The following ADAM32 variants were observed in gnomAD, a reference collection of about 807,000 sequenced individuals.
ADAM32 encodes the protein disintegrin and metalloproteinase domain-containing protein 32.
Under a neutral mutation model 114.9 loss-of-function variants are expected in ADAM32, and 89 were observed. The ratio of observed to expected loss-of-function variants is 0.77; its 90% CI spans 0.65 to 0.92. The LOEUF (loss-of-function observed/expected upper bound fraction) is 0.92. Among genes scored for constraint, ADAM32 ranks in the 40% least tolerant of loss-of-function variants. The probability of loss-of-function intolerance (pLI) is 0.00; values close to 1 mark genes in which losing one functional copy is unlikely to be tolerated. For synonymous variants in ADAM32, 285 were observed against 307.5 expected (o/e 0.93, Z 0.77); for missense variants, 870 against 932.8 (o/e 0.93, Z 0.88).
At chr8:39,172,640 T>C (rs1341770392) in intron 10 of ADAM32, among the ~76,000 whole-genome samples, 1 of 152,218 alleles carries the variant, frequency 6.6e-6, no homozygotes, top group Non-Finnish European at 1.5e-5. Context: ...TCCATCCTTG[T>C]CCCTGCAAAG....
chr8:39,221,129 G>A (rs1262765523), intron 12 of ADAM32: 1 of 152,336 alleles, frequency 6.6e-6, no homozygotes, highest in East Asian at 1.9e-4. Context: ...ATATTCTCTT[G>A]CTAAATGGAC....
intron 17 of ADAM32, among the ~76,000 whole-genome samples, chr8:39,248,296 C>T (rs1296957091): frequency 6.6e-6 from 1 of 152,148 alleles, no homozygotes; most frequent in African/African-American, 2.4e-5. Flanking sequence ...GATATCTTGA[C>T]GATATTGAGT....
At chr8:39,222,062 A>C (rs1160977615) in intron 13 of ADAM32, among the ~76,000 whole-genome samples, 1 of 152,036 alleles carries the variant, frequency 6.6e-6, no homozygotes, top group Non-Finnish European at 1.5e-5. Context: ...TTTATGTGTA[A>C]TTGAAAGATA....
intron 3 of ADAM32, among the ~76,000 whole-genome samples, chr8:39,146,144 T>C (rs1280323944): frequency 1.3e-5 from 2 of 152,160 alleles, no homozygotes; most frequent in South Asian, 2.1e-4. Context: ...CAGAAGCTAG[T>C]GTGAGTGGCC....
intron 11 of ADAM32, among the ~76,000 whole-genome samples, chr8:39,207,507 G>GGTA (rs1422430192): frequency 8.5e-5 from 13 of 152,126 alleles, no homozygotes; most frequent in African/African-American, 2.9e-4. Flanking sequence ...GATGAAATTA[G>GGTA]GGTAATTCCC....
intron 14 of ADAM32, 146 bp from the exon 15 acceptor site, chr8:39,231,881 C>CT: frequency 1.5e-6 from 1 of 666,878 alleles, no homozygotes; most frequent in South Asian, 1.9e-5. Context: ...TTTCACTTTA[C>CT]TTTTTATTCT....
intron 10 of ADAM32, among the ~76,000 whole-genome samples, chr8:39,180,245 G>A (rs1226928172): frequency 6.6e-6 from 1 of 152,238 alleles, no homozygotes; most frequent in Non-Finnish European, 1.5e-5. Context: ...GGCAGTGAGG[G>A]GCTTAGCACC....
At chr8:39,246,436 C>A (rs1439431977) in intron 17 of ADAM32, among the ~76,000 whole-genome samples, 1 of 152,102 alleles carries the variant, frequency 6.6e-6, no homozygotes, top group African/African-American at 2.4e-5. Context: ...AATACATTAA[C>A]CTGGTTCTCA....
Position 39,182,785 on chromosome 8 carries a change from G to A in ADAM32, c.916-4124G>A, listed in dbSNP as rs28547000. 2.5e-3 allele frequency among the ~76,000 whole-genome samples: 374 copies of A among 152,182 alleles called. 1 individual carries two copies. The highest frequency in any genetic ancestry group is 7.2e-3 in the African/African-American group (298 of 41,498). On this transcript the variant is annotated intron_variant, in intron 10 of 24. Transcript: ENST00000379907. ...TGATGTCATATTTTCCTGATTTTTC[G>A]TAATCCTTGTGTCCCTATGCATTTG...
chr8:39,112,371 C>T (rs1840199768), intron 1 of ADAM32, among the ~76,000 whole-genome samples: 1 of 151,950 alleles, frequency 6.6e-6, no homozygotes, highest in Non-Finnish European at 1.5e-5. Context: ...TTGATCTTTT[C>T]ACTTGTGATA....
At position 39,210,523 on chromosome 8, in the gene ADAM32, A is replaced by G. The variant is rs530175493; in HGVS notation, c.1053-621A>G. On this transcript the variant is annotated intron_variant, in intron 11 of 24. Coordinates refer to ENST00000379907, the MANE Select transcript of ADAM32 (RefSeq NM_145004.7). The stretch of plus-strand genomic sequence containing the variant: ...TACTCTGCCTCCTCTTCCACATCTG[A>G]TATCTTAAATCGTCACTTTCAAGAC... Among the ~76,000 whole-genome samples, 8 of 152,230 alleles carry G rather than the reference A, an allele frequency of 5.3e-5. No individual in the cohort carries two copies. The South Asian group carries it at 1.0e-3, about 20-fold the overall frequency.
chr8:39,211,138 C>T lies in ADAM32; in HGVS notation c.1053-6C>T. On this transcript the variant is annotated splice_region_variant and splice_polypyrimidine_tract_variant and intron_variant, in intron 11 of 24. Coordinates refer to ENST00000379907, the MANE Select transcript of ADAM32 (RefSeq NM_145004.7). The stretch of plus-strand genomic sequence containing the variant: ...TGCCAATGACATTATATGGATTCAT[C>T]TTTAGGCAATCCAATGGTGTGAAGA... 5 of 1,552,302 alleles carry T rather than the reference C, an allele frequency of 3.2e-6. No homozygotes were observed. Among genetic ancestry groups the T allele is most frequent in the Non-Finnish European group, 4.3e-6 (5 of 1,153,144 alleles).
chr8:39,111,077 A>C (rs973776275), intron 1 of ADAM32, among the ~76,000 whole-genome samples: 2 of 152,182 alleles, frequency 1.3e-5, no homozygotes, highest in African/African-American at 4.8e-5. Context: ...TTAGAACTTC[A>C]TTCCTTTTTG....
rs191214172 is a variant in ADAM32, at chr8:39,239,115, G to T, written c.1818+5033G>T. Among the ~76,000 whole-genome samples, 358 of 152,204 alleles carry T rather than the reference G, an allele frequency of 2.4e-3. 2 individuals are homozygous for T. Among genetic ancestry groups the T allele is most frequent in the African/African-American group, 7.6e-3 (316 of 41,556 alleles). ...AAGAAGATCATCATCTAGGCACATG[G>T]TCATCAGGTTATTTAAAGTAAAGAT... On this transcript the variant is annotated intron_variant, in intron 16 of 24. Coordinates refer to ENST00000379907, the MANE Select transcript of ADAM32 (RefSeq NM_145004.7).
intron 22 of ADAM32, among the ~76,000 whole-genome samples, chr8:39,280,497 A>G (rs1314175494): frequency 3.3e-5 from 5 of 152,216 alleles, no homozygotes; most frequent in African/African-American, 4.8e-5. Flanking sequence ...TTGGAGGCTG[A>G]AGAACAGGTT....
At chr8:39,116,022 A>G (rs1192843049) in intron 1 of ADAM32, among the ~76,000 whole-genome samples, 2 of 151,940 alleles carry the variant, frequency 1.3e-5, no homozygotes, top group East Asian at 1.9e-4. Flanking sequence ...GTTATTGTTA[A>G]CTGTCAAAGA....
intron 10 of ADAM32, among the ~76,000 whole-genome samples, chr8:39,174,097 T>C (rs1805364529): frequency 6.6e-6 from 1 of 152,208 alleles, no homozygotes; most frequent in South Asian, 2.1e-4. Context: ...AGTGTTGGGG[T>C]TACAGGCGTG....
At chr8:39,204,599 G>T (rs190406995) in intron 11 of ADAM32, among the ~76,000 whole-genome samples, 1 of 152,280 alleles carries the variant, frequency 6.6e-6, no homozygotes, top group Admixed American at 6.5e-5. Flanking sequence ...GCTTGGGGAA[G>T]TTTGATCATC....
At chr8:39,227,169 C>A (rs1004207874) in intron 14 of ADAM32, among the ~76,000 whole-genome samples, 1 of 152,142 alleles carries the variant, frequency 6.6e-6, no homozygotes, top group Non-Finnish European at 1.5e-5. Flanking sequence ...TGGGAGATAC[C>A]CCAAATACCA....
Sources: gnomAD v4.1 joint callset for allele counts (sites outside exome capture counted in the v4.1 genomes callset) on GRCh38, gnomAD v4.1.1 for gene constraint, MANE v1.5 for transcripts, NCBI Gene and HGNC (gene_info 2026-07-23, HGNC 2026-07-21) for gene names.